The following FSHR variants were observed in gnomAD, a reference collection of about 807,000 sequenced individuals.
The protein encoded by FSHR is follicle-stimulating hormone receptor.
FSHR carries 46 observed loss-of-function variants against 52.1 expected under a neutral mutation model. The ratio of observed to expected loss-of-function variants is 0.88; its 90% CI spans 0.70 to 1.13. The LOEUF (loss-of-function observed/expected upper bound fraction) is 1.13. Among genes scored for constraint, FSHR ranks in the 50% most tolerant of loss-of-function variants. The pLI, the probability that FSHR is intolerant of heterozygous loss-of-function variation, is 0.00. For synonymous variants in FSHR, 399 were observed against 309.6 expected (o/e 1.29, Z -3.03); for missense variants, 964 against 834.6 (o/e 1.16, Z -1.91).
intron 4 of FSHR, among the ~76,000 whole-genome samples, chr2:49,011,226 G>T (rs1274942434): frequency 6.6e-6 from 1 of 151,174 alleles, no homozygotes; most frequent in South Asian, 2.1e-4. Context: ...CTGGTATGTT[G>T]TGTCTTTGTT....
At chr2:49,009,459 G>T (rs1667192708) in intron 4 of FSHR, among the ~76,000 whole-genome samples, 1 of 148,992 alleles carries the variant, frequency 6.7e-6, no homozygotes, top group African/African-American at 2.5e-5. Context: ...GTCAGGTAGT[G>T]TGATGCCTCC....
chr2:49,059,780 A>G (rs1402880506), intron 2 of FSHR: 1 of 152,194 alleles, frequency 6.6e-6, no homozygotes, highest in African/African-American at 2.4e-5. Context: ...AACATGGAGG[A>G]AGTGCTTGAG....
rs1668629045 is a variant in FSHR at position 49,045,633 on chromosome 2, G to A, written c.224+22586C>T. On this transcript the variant is annotated intron_variant, in intron 2 of 9. Transcript: ENST00000406846. Reference sequence around the variant, plus strand: ...TTTCTTTAAAAAAATGTTTTGCCGGGACAGCTTGGGTCAATTTTTATTAAT... The same window carrying A: ...TTTCTTTAAAAAAATGTTTTGCCGGAACAGCTTGGGTCAATTTTTATTAAT... 2.0e-5 allele frequency among the ~76,000 whole-genome samples: 3 copies of A among 152,140 alleles called. No homozygotes were observed. The South Asian group carries it at 6.2e-4, about 32-fold the overall frequency.
chr2:48,963,376 T>G lies in FSHR; in HGVS notation c.1445A>C (p.Gln482Pro), dbSNP rs1418627254. Residue 482 changes from glutamine (Q) to proline (P), a missense_variant, in exon 10 of 10, where the codon CAG (glutamine) becomes CCG (proline). Physicochemically the swap from Gln to Pro is moderately conservative, Grantham distance 76. Coordinates refer to ENST00000406846, the MANE Select transcript of FSHR (RefSeq NM_000145.4). ...CATGACACTGGCAGCATGGCGGAGC[T>G]GCACCTTGCAGTCCAGCTGCATGGC... is the stretch of plus-strand genomic sequence containing the variant. ...THAMQLDCKV[Q>P]LRHAASVMVM... 6.2e-7 allele frequency: 1 copy of G among 1,614,050 alleles called. No homozygotes were observed. Among genetic ancestry groups the G allele is most frequent in the Non-Finnish European group, 8.5e-7 (1 of 1,179,988 alleles).
At chr2:49,087,058 C>T (rs1172948234) in intron 1 of FSHR, among the ~76,000 whole-genome samples, 1 of 134,462 alleles carries the variant, frequency 7.4e-6, no homozygotes, top group African/African-American at 2.7e-5. Flanking sequence ...GTTGAGGGAC[C>T]CTGTGGGCAG....
intron 1 of FSHR, among the ~76,000 whole-genome samples, chr2:49,120,084 A>G (rs1226651532): frequency 1.3e-5 from 2 of 152,184 alleles, no homozygotes; most frequent in African/African-American, 4.8e-5. Context: ...CACCTGGCCA[A>G]CATGGTGACG....
intron 2 of FSHR, among the ~76,000 whole-genome samples, chr2:49,056,175 A>G (rs2104313698): frequency 6.6e-6 from 1 of 152,148 alleles, no homozygotes; most frequent in African/African-American, 2.4e-5. Flanking sequence ...TAAATTTCCC[A>G]TTTAAAACAT....
chr2:48,971,814 A>G (rs1459157477), intron 8 of FSHR, among the ~76,000 whole-genome samples: 2 of 152,156 alleles, frequency 1.3e-5, no homozygotes, highest in East Asian at 3.9e-4. Flanking sequence ...CCTTCCTGGT[A>G]ACTTTCTGTA....
chr2:48,989,273 CTTTTTT>C (rs70946840), intron 5 of FSHR, among the ~76,000 whole-genome samples: 2 of 120,822 alleles, frequency 1.7e-5, no homozygotes, highest in Non-Finnish European at 3.2e-5. Flanking sequence ...CATTCAGTGT[CTTTTTT>C]TTTTTTTTTT....
chr2:49,007,780 A>G (rs956389843), intron 4 of FSHR, among the ~76,000 whole-genome samples: 1 of 152,148 alleles, frequency 6.6e-6, no homozygotes, highest in Non-Finnish European at 1.5e-5. Context: ...AATCAGAAAC[A>G]TTTATTGTGA....
At chr2:48,988,280 A>G (rs1559104502) in intron 6 of FSHR, among the ~76,000 whole-genome samples, 2 of 152,216 alleles carry the variant, frequency 1.3e-5, no homozygotes, top group African/African-American at 2.4e-5. Flanking sequence ...TGCTTTTCAT[A>G]TCTTACAGAT....
chr2:49,077,812 T>C (rs1670002433), intron 1 of FSHR, among the ~76,000 whole-genome samples: 2 of 152,210 alleles, frequency 1.3e-5, no homozygotes, highest in South Asian at 4.1e-4. Context: ...ACCAGTCTTT[T>C]TGCTAAAACA....
intron 6 of FSHR, among the ~76,000 whole-genome samples, 173 bp downstream of exon 6, chr2:48,988,804 C>A (rs1295736683): frequency 6.6e-6 from 1 of 152,162 alleles, no homozygotes; most frequent in Non-Finnish European, 1.5e-5. Context: ...TAACATGACT[C>A]CACATTGTGA....
chr2:49,115,596 G>T (rs756139326), intron 1 of FSHR, among the ~76,000 whole-genome samples: 1 of 152,144 alleles, frequency 6.6e-6, no homozygotes, highest in African/African-American at 2.4e-5. Context: ...TGATGGAGCT[G>T]GGATTTGAAC....
intron 2 of FSHR, 109 bp downstream of exon 2, chr2:49,068,110 G>T: frequency 1.2e-6 from 1 of 842,446 alleles, no homozygotes; most frequent in Non-Finnish European, 2.0e-6. Flanking sequence ...AAGTTTGGCT[G>T]ACCATGTCAG....
At chr2:49,094,423 C>T (rs1179439424) in intron 1 of FSHR, among the ~76,000 whole-genome samples, 1 of 152,154 alleles carries the variant, frequency 6.6e-6, no homozygotes, top group Non-Finnish European at 1.5e-5. Flanking sequence ...TTTGCCATTT[C>T]TGTTGCATTT....
At chr2:49,026,927 C>G (rs1168800162) in intron 2 of FSHR, among the ~76,000 whole-genome samples, 1 of 152,092 alleles carries the variant, frequency 6.6e-6, no homozygotes. Context: ...ATGAGGTGCC[C>G]TCTGAGACCA....
intron 2 of FSHR, among the ~76,000 whole-genome samples, chr2:49,045,257 C>G (rs3892125): frequency 6.6e-6 from 1 of 152,086 alleles, no homozygotes; most frequent in African/African-American, 2.4e-5. Context: ...ACACAGGAAT[C>G]GTATTTCATA....
rs201979684 is a variant in FSHR at position 49,141,777 on chromosome 2, G to A, written c.152+12489C>T. Among the ~76,000 whole-genome samples the A allele has an allele frequency of 6.2e-3, 672 of 109,198 alleles. 15 individuals carry two copies. The highest frequency in any genetic ancestry group is 0.051 in the Admixed American group (524 of 10,290). 71.6% of individuals were successfully genotyped at this position (109,198 alleles called of 152,430 possible). On this transcript the variant is annotated intron_variant, in intron 1 of 9. Transcript: ENST00000406846. ...ACATATGTAAGTGCTCAGATGAAGA[G>A]TTTAGACTTTACTTTAGGAGTTCAG...
Sources: allele counts gnomAD v4.1 joint callset (sites outside exome capture counted in the v4.1 genomes callset), GRCh38; gene constraint gnomAD v4.1.1; transcripts MANE v1.5; gene names NCBI Gene and HGNC (gene_info 2026-07-23, HGNC 2026-07-21).